Variants in SCNN1B observed in about 807,000 individuals in gnomAD.
The protein encoded by SCNN1B is epithelial sodium channel subunit beta.
Under a neutral mutation model 65.3 loss-of-function variants are expected in SCNN1B, and 46 were observed. The ratio of observed to expected loss-of-function variants is 0.70; its 90% CI spans 0.56 to 0.90. SCNN1B has a LOEUF of 0.90. Ranked by LOEUF, SCNN1B falls within the 40% of genes least tolerant of loss-of-function variation. SCNN1B has a pLI of 0.00. For missense variants in SCNN1B, 751 were observed against 830.5 expected (o/e 0.90, Z 1.18); for synonymous variants, 349 against 330.6 (o/e 1.06, Z -0.60).
chr16:23,303,173 A>C (rs1961122744), intron 1 of SCNN1B, among the ~76,000 whole-genome samples: 3 of 152,002 alleles, frequency 2.0e-5, no homozygotes, highest in Non-Finnish European at 4.4e-5. Context: ...GGTCTGGGAT[A>C]TAGTACAGGG....
At chr16:23,318,653 G>GAA (rs1177929348) in intron 1 of SCNN1B, among the ~76,000 whole-genome samples, 32 of 152,310 alleles carry the variant, frequency 2.1e-4, no homozygotes, top group Middle Eastern at 3.4e-3. Flanking sequence ...ATATGCATGA[G>GAA]TGTATTCTAG....
chr16:23,315,798 T>TG (rs1961441234), intron 1 of SCNN1B, among the ~76,000 whole-genome samples: 1 of 152,182 alleles, frequency 6.6e-6, no homozygotes, highest in Admixed American at 6.5e-5. Flanking sequence ...AGTGAGACCC[T>TG]GTCTCTTAAA....
intron 1 of SCNN1B, among the ~76,000 whole-genome samples, chr16:23,304,771 A>G (rs1961159391): frequency 6.6e-6 from 1 of 152,116 alleles, no homozygotes. Context: ...GAGACACTAC[A>G]TTATAATCCC....
intron 4 of SCNN1B, among the ~76,000 whole-genome samples, chr16:23,360,352 A>C (rs1400422380): frequency 6.6e-6 from 1 of 152,070 alleles, no homozygotes; most frequent in Non-Finnish European, 1.5e-5. Flanking sequence ...CCTGAGCAAC[A>C]TAGTGAGACC....
rs1436350643 is a variant in SCNN1B, at chr16:23,380,400, C to T, written c.1543-21C>T. ...CAAGAATGTGTGGCCTGAGCTCACC[C>T]CAGCTCCCTGTTCCCCACAGATCGT... On this transcript the variant is annotated intron_variant, in intron 12 of 12. Transcript: ENST00000343070. The surrounding 1 kb of genome is among the most constrained non-coding windows in gnomAD (Gnocchi z 5.4). The T allele has an allele frequency of 1.2e-6, 2 of 1,613,900 alleles. No homozygotes were observed. The highest frequency in any genetic ancestry group is 8.5e-7 in the Non-Finnish European group (1 of 1,180,040).
At chr16:23,343,591 GAAAGAA>G (rs1962111325) in intron 1 of SCNN1B, among the ~76,000 whole-genome samples, 2 of 60,896 alleles carry the variant, frequency 3.3e-5, no homozygotes, top group East Asian at 5.6e-4. Flanking sequence ...GAGAAAGAAA[GAAAGAA>G]AGAAAGAAAG....
intron 1 of SCNN1B, among the ~76,000 whole-genome samples, chr16:23,334,110 C>T (rs1040755814): frequency 2.6e-5 from 4 of 152,158 alleles, no homozygotes; most frequent in African/African-American, 9.7e-5. Context: ...TGGAATGAAA[C>T]CGTGGGACAG....
intron 10 of SCNN1B, among the ~76,000 whole-genome samples, chr16:23,378,241 C>T (rs1031525829): frequency 9.2e-5 from 14 of 152,210 alleles, no homozygotes; most frequent in Non-Finnish European, 1.8e-4. Flanking sequence ...AACTCCTGGC[C>T]TTAAGCGATC....
intron 1 of SCNN1B, among the ~76,000 whole-genome samples, chr16:23,316,211 CTCACCA>C (rs1358689388): frequency 7.5e-6 from 1 of 133,296 alleles, no homozygotes; most frequent in Non-Finnish European, 1.6e-5. Flanking sequence ...CATCACCATC[CTCACCA>C]TCACCACCAT....
intron 2 of SCNN1B, among the ~76,000 whole-genome samples, chr16:23,287,972 T>C (rs1055161929): frequency 1.4e-5 from 2 of 141,626 alleles, no homozygotes; most frequent in African/African-American, 2.8e-5. Context: ...CTGGGCAACA[T>C]GGTGAAACCC....
At chr16:23,340,106 A>G (rs1962025021) in intron 1 of SCNN1B, among the ~76,000 whole-genome samples, 1 of 151,922 alleles carries the variant, frequency 6.6e-6, no homozygotes, top group South Asian at 2.1e-4. Context: ...TTCCTCTTTT[A>G]TGGTGTCTAT....
At chr16:23,368,744 A>C (rs1962723682) in intron 5 of SCNN1B, among the ~76,000 whole-genome samples, 1 of 152,212 alleles carries the variant, frequency 6.6e-6, no homozygotes, top group Admixed American at 6.5e-5. Flanking sequence ...ATATATGCTG[A>C]GTATTCTGAG....
intron 2 of SCNN1B, among the ~76,000 whole-genome samples, chr16:23,350,585 A>G (rs540756067): frequency 4.9e-4 from 75 of 152,308 alleles, no homozygotes; most frequent in Non-Finnish European, 9.3e-4. Context: ...AGGAACTGAA[A>G]GAAGGGCTGA....
intron 1 of SCNN1B, among the ~76,000 whole-genome samples, chr16:23,347,190 C>T (rs1962208048): frequency 6.6e-6 from 1 of 152,110 alleles, no homozygotes; most frequent in African/African-American, 2.4e-5. Context: ...GGCATGGGGT[C>T]CCAATCTTTC....
chr16:23,375,906 G>T, intron 8 of SCNN1B, 51 bp downstream of exon 8: 1 of 1,261,606 alleles, frequency 7.9e-7, no homozygotes. Flanking sequence ...GGCCACAGAG[G>T]CTCTGACCAT....
intron 1 of SCNN1B, among the ~76,000 whole-genome samples, chr16:23,342,678 T>C (rs1453859868): frequency 6.6e-6 from 1 of 151,170 alleles, no homozygotes; most frequent in Non-Finnish European, 1.5e-5. Flanking sequence ...AAAAAAAAAA[T>C]CTCCTAGTGT....
At chr16:23,365,491 AAAG>A (rs1275715647) in intron 4 of SCNN1B, among the ~76,000 whole-genome samples, 6 of 140,966 alleles carry the variant, frequency 4.3e-5, no homozygotes, top group Non-Finnish European at 7.9e-5. Flanking sequence ...AAAAAGAAGA[AAAG>A]AAAGAAAAAG....
At chr16:23,364,027 C>A (rs568716003) in intron 4 of SCNN1B, among the ~76,000 whole-genome samples, 44 of 149,270 alleles carry the variant, frequency 2.9e-4, no homozygotes, top group African/African-American at 1.1e-3. Context: ...ATTAGCCAGG[C>A]GTGGTGGCGC....
chr16:23,311,648 T>C (rs1275625884), intron 1 of SCNN1B, among the ~76,000 whole-genome samples: 1 of 151,962 alleles, frequency 6.6e-6, no homozygotes, highest in Non-Finnish European at 1.5e-5. Context: ...CAAGAAGGAG[T>C]TGGAGAGAGG....
Sources: gnomAD v4.1 joint callset for allele counts (sites outside exome capture counted in the v4.1 genomes callset) on GRCh38, gnomAD v4.1.1 for gene constraint, Gnocchi (gnomAD v3.1) non-coding constraint, MANE v1.5 for transcripts, NCBI Gene and HGNC (gene_info 2026-07-23, HGNC 2026-07-21) for gene names.